CHIC1: variants seen among roughly 807,000 people sequenced by gnomAD.
CHIC1 encodes the protein cysteine rich hydrophobic domain 1, also known as cysteine-rich hydrophobic domain-containing protein 1.
In CHIC1, 7 loss-of-function variants were observed where a neutral mutation model predicts 18.5. That is an observed-to-expected ratio of 0.38 (90% CI 0.22 to 0.71). The LOEUF (loss-of-function observed/expected upper bound fraction) is 0.71, where lower values mean the gene tolerates loss of function less well. CHIC1 is among the 30% of genes least tolerant of loss of function. The probability of loss-of-function intolerance (pLI) is 0.49; values close to 1 mark genes in which losing one functional copy is unlikely to be tolerated. For missense variants in CHIC1, 159 were observed against 176.9 expected (o/e 0.90, Z 0.57); for synonymous variants, 77 against 73.5 (o/e 1.05, Z -0.25).
intron 3 of CHIC1, among the ~76,000 whole-genome samples, chrX:73,585,821 T>A (rs1365381899): frequency 9.0e-6 from 1 of 110,965 alleles, no homozygotes. Flanking sequence ...GAGAAACATT[T>A]TTTTTTCAGT....
chrX:73,662,841 T>A (rs1018272082), intron 3 of CHIC1, among the ~76,000 whole-genome samples: 2 of 111,274 alleles, frequency 1.8e-5, no homozygotes, highest in Non-Finnish European at 3.8e-5. Flanking sequence ...TTGGGGCTGC[T>A]AGTAGAATAT....
intron 3 of CHIC1, among the ~76,000 whole-genome samples, chrX:73,598,295 A>T (rs1347163142): frequency 2.8e-5 from 3 of 105,885 alleles, no homozygotes; most frequent in Non-Finnish European, 5.8e-5. Flanking sequence ...CTGGCATGAG[A>T]TGGTATCTCA....
chrX:73,599,609 T>G (rs1191068185), intron 3 of CHIC1, among the ~76,000 whole-genome samples: 1 of 103,862 alleles, frequency 9.6e-6, no homozygotes, highest in Non-Finnish European at 1.9e-5. Flanking sequence ...CCATTGCTTG[T>G]TTTTCTCAGG....
intron 3 of CHIC1, among the ~76,000 whole-genome samples, chrX:73,622,317 G>T (rs1033676084): frequency 8.1e-5 from 9 of 111,550 alleles, no homozygotes; most frequent in Non-Finnish European, 1.3e-4. Context: ...CTGTGAATCT[G>T]TCTGGCCCTG....
At chrX:73,565,244 G>A (rs1314924395) in intron 1 of CHIC1, among the ~76,000 whole-genome samples, 1 of 111,642 alleles carries the variant, frequency 9.0e-6, no homozygotes, top group African/African-American at 3.3e-5. Flanking sequence ...TTACATGACC[G>A]TTTAGTCCAT....
intron 2 of CHIC1, among the ~76,000 whole-genome samples, chrX:73,583,890 T>C (rs1422501300): frequency 2.7e-5 from 3 of 111,910 alleles, no homozygotes; most frequent in African/African-American, 9.7e-5. Flanking sequence ...TTTGTTAGTG[T>C]AACTAACAGT....
intron 5 of CHIC1, among the ~76,000 whole-genome samples, chrX:73,680,638 G>A (rs1285443142): frequency 9.0e-6 from 1 of 110,703 alleles, no homozygotes; most frequent in Non-Finnish European, 1.9e-5. Flanking sequence ...AGAGATAGGG[G>A]TGTGGGGGAA....
Position 73,571,558 on chromosome X carries a change from G to A in CHIC1, c.297-5849G>A, listed in dbSNP as rs139178230. ...TCTCAAGAAGCAGATGAAGATTGCC[G>A]TAAAAATTCATGCATAGTGGTGTCC... On this transcript the variant is annotated intron_variant, in intron 1 of 5. Coordinates refer to ENST00000373502, the MANE Select transcript of CHIC1 (RefSeq NM_001039840.4). Among the ~76,000 whole-genome samples the A allele has an allele frequency of 9.6e-3, 1,063 of 111,114 alleles. 6 individuals carry two copies. The highest frequency in any genetic ancestry group is 0.033 in the African/African-American group (1,028 of 30,800).
At chrX:73,674,211 C>T (rs899533755) in intron 3 of CHIC1, among the ~76,000 whole-genome samples, 2 of 111,600 alleles carry the variant, frequency 1.8e-5, no homozygotes, top group Admixed American at 1.9e-4. Flanking sequence ...GGTTGTGTCT[C>T]TGCCAGGCTT....
chrX:73,662,932 G>A (rs1021440304), intron 3 of CHIC1, among the ~76,000 whole-genome samples: 1 of 112,048 alleles, frequency 8.9e-6, no homozygotes, highest in African/African-American at 3.2e-5. Flanking sequence ...ATACTGACAC[G>A]TGGTAGGACT....
Position 73,644,739 on chromosome X carries a change from C to A in CHIC1, c.508-34587C>A, listed in dbSNP as rs752298039. Among the ~76,000 whole-genome samples, 5 of 112,152 alleles carry A rather than the reference C, an allele frequency of 4.5e-5. No homozygotes were observed. The South Asian group carries it at 1.9e-3, about 42-fold the overall frequency. ...CTTTTTTAAGCCCATTTTGGAAAAG[C>A]GCAGTATTAGGGTGGGAGTGACCCA... On this transcript the variant is annotated intron_variant, in intron 3 of 5. Coordinates refer to ENST00000373502, the MANE Select transcript of CHIC1 (RefSeq NM_001039840.4).
intron 3 of CHIC1, among the ~76,000 whole-genome samples, chrX:73,646,127 T>A (rs2057888249): frequency 8.9e-6 from 1 of 111,820 alleles, no homozygotes; most frequent in African/African-American, 3.3e-5. Flanking sequence ...TGTTCCAATA[T>A]CATTTATTAA....
intron 3 of CHIC1, among the ~76,000 whole-genome samples, chrX:73,662,049 TAAATAA>T (rs1569505142): frequency 9.5e-6 from 1 of 104,996 alleles, no homozygotes; most frequent in African/African-American, 3.5e-5. Context: ...AATAAAAAAA[TAAATAA>T]AAATAAATAA....
At chrX:73,630,233 T>A (rs926946652) in intron 3 of CHIC1, among the ~76,000 whole-genome samples, 1 of 111,513 alleles carries the variant, frequency 9.0e-6, no homozygotes, top group African/African-American at 3.3e-5. Context: ...TTTGTTGCCT[T>A]TTAATTTTAA....
chrX:73,564,049 C>G (rs886910776), intron 1 of CHIC1, among the ~76,000 whole-genome samples: 1 of 111,875 alleles, frequency 8.9e-6, no homozygotes, highest in Non-Finnish European at 1.9e-5. Context: ...GTTCATTCAC[C>G]CACGTATTCA....
chrX:73,638,979 G>T (rs2057843072), intron 3 of CHIC1, among the ~76,000 whole-genome samples: 1 of 111,818 alleles, frequency 8.9e-6, no homozygotes, highest in Non-Finnish European at 1.9e-5. Flanking sequence ...CAGTACTGCA[G>T]TGAACATATG....
chrX:73,654,785 A>G (rs2057933934), intron 3 of CHIC1, among the ~76,000 whole-genome samples: 1 of 111,361 alleles, frequency 9.0e-6, no homozygotes, highest in Admixed American at 9.5e-5. Context: ...TTTGTCCATT[A>G]TTTTGGTTTT....
intron 3 of CHIC1, among the ~76,000 whole-genome samples, chrX:73,677,534 G>A (rs986504859): frequency 4.5e-5 from 5 of 112,280 alleles, no homozygotes; most frequent in African/African-American, 6.5e-5. Flanking sequence ...AGGACCCTCC[G>A]AGCCAGGTGC....
At chrX:73,631,006 T>G (rs1241734790) in intron 3 of CHIC1, among the ~76,000 whole-genome samples, 1 of 111,848 alleles carries the variant, frequency 8.9e-6, no homozygotes, top group Non-Finnish European at 1.9e-5. Flanking sequence ...ATTTAGCCAT[T>G]TATTCTAGGC....
Sources: allele counts gnomAD v4.1 joint callset (sites outside exome capture counted in the v4.1 genomes callset), GRCh38; gene constraint gnomAD v4.1.1; transcripts MANE v1.5; gene names NCBI Gene and HGNC (gene_info 2026-07-23, HGNC 2026-07-21).